The following ADGRL3 variants were observed in gnomAD, a reference collection of about 807,000 sequenced individuals.
The protein encoded by ADGRL3 is calcium-independent alpha-latrotoxin receptor 3.
Under a neutral mutation model 153.5 loss-of-function variants are expected in ADGRL3, and 62 were observed. That is an observed-to-expected ratio of 0.40 (90% CI 0.33 to 0.50). The LOEUF (loss-of-function observed/expected upper bound fraction) is 0.50. Ranked by LOEUF, ADGRL3 falls within the 20% of genes least tolerant of loss-of-function variation. The pLI is 0.47. For missense variants in ADGRL3, 1,641 were observed against 1,859.4 expected (o/e 0.88, Z 2.16); for synonymous variants, 710 against 672.5 (o/e 1.06, Z -0.86).
chr4:62,004,386 A>C (rs917437251), intron 21 of ADGRL3, among the ~76,000 whole-genome samples: 4 of 151,964 alleles, frequency 2.6e-5, no homozygotes, highest in African/African-American at 9.7e-5. Context: ...GTAAATAAAA[A>C]TTTCATCAAT....
At chr4:61,466,074 A>G (rs962025541) in intron 2 of ADGRL3, among the ~76,000 whole-genome samples, 8 of 151,934 alleles carry the variant, frequency 5.3e-5, no homozygotes, top group Non-Finnish European at 1.0e-4. Context: ...GTGAGCCCAG[A>G]GTGCCATTGC....
rs79140861 is a variant in ADGRL3, at chr4:61,281,235, G to A, written c.-240+79470G>A. ...ATTTTTAAAAGGTAGTACCGAATGG[G>A]GTACCATCCCAAAGACCAGCAAAAT... is the stretch of plus-strand genomic sequence containing the variant. On this transcript the variant is annotated intron_variant, in intron 1 of 26. Coordinates refer to ENST00000683033, the MANE Select transcript of ADGRL3 (RefSeq NM_001387552.1). Among the ~76,000 whole-genome samples, 763 of 151,214 alleles carry A rather than the reference G, an allele frequency of 5.0e-3. 4 individuals are homozygous for A. The highest frequency in any genetic ancestry group is 0.016 in the African/African-American group (656 of 41,204).
chr4:61,532,039 A>ATAACATGAAATAATCAACAAGC (rs1271765952), intron 4 of ADGRL3, among the ~76,000 whole-genome samples: 1 of 152,208 alleles, frequency 6.6e-6, no homozygotes. Flanking sequence ...AATCTGTTTT[A>ATAACATGAAATAATCAACAAGC]TAACATGAAA....
intron 4 of ADGRL3, among the ~76,000 whole-genome samples, chr4:61,537,067 A>T (rs2098661094): frequency 6.6e-6 from 1 of 151,840 alleles, no homozygotes; most frequent in African/African-American, 2.4e-5. Context: ...TTTTTGTAGA[A>T]TGTGTCTAGT....
chr4:61,646,984 C>T (rs934407334), intron 5 of ADGRL3, among the ~76,000 whole-genome samples: 2 of 152,178 alleles, frequency 1.3e-5, no homozygotes, highest in African/African-American at 4.8e-5. Flanking sequence ...CCTGGTGCGC[C>T]GTTTTTTAAG....
chr4:61,372,021 T>C (rs1185533034), intron 1 of ADGRL3, among the ~76,000 whole-genome samples: 1 of 152,242 alleles, frequency 6.6e-6, no homozygotes. Flanking sequence ...GTTGATGGTA[T>C]CGGCTCCTGA....
intron 1 of ADGRL3, among the ~76,000 whole-genome samples, chr4:61,355,118 T>C (rs1365355228): frequency 2.0e-5 from 3 of 152,110 alleles, no homozygotes; most frequent in Admixed American, 1.3e-4. Flanking sequence ...TGGGTGATGT[T>C]ACACAAGACA....
chr4:61,731,070 CAT>C (rs1355435207), intron 7 of ADGRL3, among the ~76,000 whole-genome samples: 6 of 151,902 alleles, frequency 3.9e-5, no homozygotes, highest in African/African-American at 1.4e-4. Context: ...GGTTATTTAG[CAT>C]AAAGCTTATA....
At chr4:61,728,438 A>G (rs1159681797) in intron 6 of ADGRL3, among the ~76,000 whole-genome samples, 1 of 152,116 alleles carries the variant, frequency 6.6e-6, no homozygotes, top group Non-Finnish European at 1.5e-5. Flanking sequence ...ATCAAAGTGT[A>G]GGATAATATT....
chr4:61,982,604 A>C lies in ADGRL3; in HGVS notation c.3016-779A>C, dbSNP rs560219250. Among the ~76,000 whole-genome samples, 4 of 152,340 alleles carry C rather than the reference A, an allele frequency of 2.6e-5. No individual in the cohort carries two copies. The South Asian group carries it at 6.2e-4, about 24-fold the overall frequency. On this transcript the variant is annotated intron_variant, in intron 18 of 26. Transcript: ENST00000683033. ...AAGAAATGAGAATTAAGGAACTGAC[A>C]TAAGAGTAAGAAATTGATAGTTGGT...
At chr4:61,331,449 A>G (rs758055833) in intron 1 of ADGRL3, among the ~76,000 whole-genome samples, 5 of 152,200 alleles carry the variant, frequency 3.3e-5, no homozygotes, top group Non-Finnish European at 5.9e-5. Context: ...ATTTAAAAGT[A>G]AAGTTAAAAA....
chr4:61,767,980 G>T (rs1372423718), intron 8 of ADGRL3, among the ~76,000 whole-genome samples: 1 of 152,102 alleles, frequency 6.6e-6, no homozygotes, highest in Non-Finnish European at 1.5e-5. Flanking sequence ...GTCGGGAGCA[G>T]ATTGGGTAAT....
chr4:61,400,313 G>A (rs949845422), intron 2 of ADGRL3, among the ~76,000 whole-genome samples: 1 of 151,708 alleles, frequency 6.6e-6, no homozygotes, highest in African/African-American at 2.4e-5. Flanking sequence ...TACTATATCA[G>A]ACCTGTGTTA....
intron 1 of ADGRL3, among the ~76,000 whole-genome samples, chr4:61,238,373 G>C (rs1006032845): frequency 1.3e-5 from 2 of 151,746 alleles, no homozygotes; most frequent in Admixed American, 6.6e-5. Context: ...TTCTGTTTTC[G>C]AGGTTTATCT....
At chr4:61,597,652 C>G (rs145636560) in intron 5 of ADGRL3, among the ~76,000 whole-genome samples, 22 of 149,358 alleles carry the variant, frequency 1.5e-4, no homozygotes, top group Admixed American at 1.5e-3. Flanking sequence ...TGGTAATGGT[C>G]GTTTTTTGTT....
chr4:61,813,210 T>C (rs534410103), intron 8 of ADGRL3, among the ~76,000 whole-genome samples: 1 of 152,164 alleles, frequency 6.6e-6, no homozygotes, highest in East Asian at 1.9e-4. Flanking sequence ...CTGGCCAACA[T>C]GGTGAAACCC....
chr4:61,781,906 T>C (rs572492375), intron 8 of ADGRL3, among the ~76,000 whole-genome samples: 1 of 152,184 alleles, frequency 6.6e-6, no homozygotes, highest in Non-Finnish European at 1.5e-5. Context: ...CCTTAATTAT[T>C]CTAAATGATA....
At chr4:61,638,801 A>C (rs2093542199) in intron 5 of ADGRL3, among the ~76,000 whole-genome samples, 1 of 152,178 alleles carries the variant, frequency 6.6e-6, no homozygotes, top group Non-Finnish European at 1.5e-5. Context: ...TGGTGACGTG[A>C]TCAGTGGTTA....
chr4:62,044,603 C>T (rs1001227042), intron 25 of ADGRL3, 54 bp downstream of exon 25: 4 of 1,196,056 alleles, frequency 3.3e-6, no homozygotes, highest in Non-Finnish European at 4.8e-6. Flanking sequence ...TTTAAGAAGT[C>T]CTTAAATTCA....
Sources: gnomAD v4.1 joint callset for allele counts (sites outside exome capture counted in the v4.1 genomes callset) on GRCh38, gnomAD v4.1.1 for gene constraint, MANE v1.5 for transcripts, NCBI Gene and HGNC (gene_info 2026-07-23, HGNC 2026-07-21) for gene names.